The following MROH9 variants were observed in gnomAD, a reference collection of about 807,000 sequenced individuals.
MROH9 encodes maestro heat like repeat family member 9, also known as maestro heat-like repeat-containing protein family member 9.
MROH9 carries 92 observed loss-of-function variants against 98.2 expected under a neutral mutation model. That is an observed-to-expected ratio of 0.94 (90% CI 0.79 to 1.11). The LOEUF is 1.11. MROH9 is among the 50% of genes most tolerant of loss of function. The pLI, the probability that MROH9 is intolerant of heterozygous loss-of-function variation, is 0.00. For missense variants in MROH9, 1,057 were observed against 1,014.8 expected, an observed-to-expected ratio of 1.04 and a Z score of -0.57; for synonymous variants, 397 against 368.9, an observed-to-expected ratio of 1.08 and a Z score of -0.87.
intron 1 of MROH9, among the ~76,000 whole-genome samples, chr1:170,940,758 C>A (rs1256705050): frequency 6.6e-6 from 1 of 152,194 alleles, no homozygotes; most frequent in Non-Finnish European, 1.5e-5. Context: ...GTACAAATGA[C>A]AACCCCTGAT....
rs567216767 is a variant in MROH9, at chr1:170,939,797, A to C, written c.-38+4210A>C. ...GTGGTCAAGCATTCAGTCTCTACTA[A>C]GGCCTAGTAGCATGTCAAGGGCTGT... On this transcript the variant is annotated intron_variant, in intron 1 of 21. Transcript: ENST00000367759. 2.0e-5 allele frequency among the ~76,000 whole-genome samples: 3 copies of C among 152,160 alleles called. No individual in the cohort carries two copies. The South Asian group carries it at 6.2e-4, about 32-fold the overall frequency.
At chr1:171,049,005 G>A (rs537203555) in intron 20 of MROH9, among the ~76,000 whole-genome samples, 61 of 152,228 alleles carry the variant, frequency 4.0e-4, no homozygotes, top group African/African-American at 1.4e-3. Flanking sequence ...TACTGTGGCT[G>A]AGCTGGTATC....
intron 15 of MROH9, chr1:170,998,568 T>A (rs1557891927): frequency 7.3e-7 from 1 of 1,378,086 alleles, no homozygotes; most frequent in Non-Finnish European, 9.4e-7. Context: ...TGCATGATTG[T>A]TAAAGTATAT....
intron 20 of MROH9, among the ~76,000 whole-genome samples, chr1:171,025,789 C>A (rs1652689713): frequency 6.6e-6 from 1 of 152,028 alleles, no homozygotes; most frequent in African/African-American, 2.4e-5. Context: ...TCTGTAACCA[C>A]AAACTACAAT....
rs184485111 is a variant in MROH9 at position 170,956,743 on chromosome 1, A to G, written c.73-1718A>G. On this transcript the variant is annotated intron_variant, in intron 3 of 21. Transcript: ENST00000367759. ...TTTGCTGAATTCTTTTATCAGCTCTAGGAGCTTTCTGGAGGAGTCTTTAGG... is the reference window on the plus strand; with the variant it reads ...TTTGCTGAATTCTTTTATCAGCTCTGGGAGCTTTCTGGAGGAGTCTTTAGG... 2.1e-3 allele frequency among the ~76,000 whole-genome samples: 322 copies of G among 151,282 alleles called. 2 individuals carry two copies. Among genetic ancestry groups the G allele is most frequent in the Middle Eastern group, 6.8e-3 (2 of 294 alleles).
rs144028530 is a variant in MROH9, at chr1:171,064,271, T to C, written c.2517T>C (p.Tyr839=). The change falls in exon 22 of 22, where the codon TAT becomes TAC. Residue 839 remains tyrosine, a synonymous_variant. Coordinates refer to ENST00000367759, the MANE Select transcript of MROH9 (RefSeq NM_001163629.2). ...YIKKLKPLYN[Y]NSPNGQIDSP... is the part of the protein sequence containing the mutation. ...AAAAATTGAAGCCTCTTTACAATTA[T>C]AACTCACCCAATGGCCAGATAGACA... The C allele has an allele frequency of 2.0e-4, 308 of 1,551,376 alleles. 2 individuals carry two copies. The Middle Eastern group carries it at 7.7e-3, about 39-fold the overall frequency.
chr1:170,960,070 A>G (rs996098260), intron 5 of MROH9, among the ~76,000 whole-genome samples: 1 of 152,214 alleles, frequency 6.6e-6, no homozygotes, highest in Non-Finnish European at 1.5e-5. Context: ...TTGTGGAGAG[A>G]ATGTACAACA....
intron 20 of MROH9, among the ~76,000 whole-genome samples, chr1:171,035,805 T>C (rs1653081728): frequency 6.6e-6 from 1 of 152,178 alleles, no homozygotes; most frequent in Admixed American, 6.5e-5. Flanking sequence ...CAGAACTCTG[T>C]TATATGCTGT....
intron 15 of MROH9, among the ~76,000 whole-genome samples, chr1:171,011,859 G>A (rs541605489): frequency 6.6e-6 from 1 of 151,732 alleles, no homozygotes; most frequent in South Asian, 2.1e-4. Context: ...TGTGCAAAAG[G>A]CAATAGGCTT....
rs768716258 is a variant in MROH9, at chr1:170,986,650, A to G, written c.819A>G (p.Ala273=). ...MKLSSPDDKI[A]SDAASILIFT... is the part of the protein sequence containing the mutation. The stretch of plus-strand genomic sequence containing the variant: ...TCTCTTCACCTGATGATAAAATCGC[A>G]TCTGATGCAGCATCCATACTGATAT... Residue 273 remains alanine (A), a synonymous_variant, in exon 10 of 22, where the codon GCA becomes GCG. Transcript: ENST00000367759. The G allele has an allele frequency of 4.3e-6, 7 of 1,613,950 alleles. No homozygotes were observed. The highest frequency in any genetic ancestry group is 4.2e-6 in the Non-Finnish European group (5 of 1,179,930).
chr1:171,013,169 T>C (rs778207795), intron 15 of MROH9, among the ~76,000 whole-genome samples: 37 of 152,204 alleles, frequency 2.4e-4, no homozygotes, highest in Non-Finnish European at 1.5e-5. Flanking sequence ...TCATTCTAAA[T>C]TGAATCTACA....
chr1:170,935,817 C>A (rs1376680926), intron 1 of MROH9, among the ~76,000 whole-genome samples: 2 of 151,440 alleles, frequency 1.3e-5, no homozygotes, highest in African/African-American at 4.9e-5. Context: ...CTTGGTGAAA[C>A]CCCATCTCTA....
intron 15 of MROH9, among the ~76,000 whole-genome samples, chr1:171,003,940 G>A (rs1276778586): frequency 2.0e-5 from 3 of 152,130 alleles, no homozygotes; most frequent in Non-Finnish European, 4.4e-5. Context: ...GGATGGGGGT[G>A]AGAGTCCCAA....
chr1:170,998,037 A>G, intron 14 of MROH9, 117 bp from the exon 15 acceptor site: 1 of 753,894 alleles, frequency 1.3e-6, no homozygotes, highest in Non-Finnish European at 2.1e-6. Context: ...TTTAGGGAAT[A>G]TTAAAGAATA....
rs756355540 is a variant in MROH9, at chr1:170,961,928, T to C, written c.327T>C (p.Ile109=). 1.9e-6 allele frequency: 3 copies of C among 1,539,308 alleles called. No homozygotes were observed. Among genetic ancestry groups the C allele is most frequent in the Non-Finnish European group, 2.6e-6 (3 of 1,136,586 alleles). The change falls in exon 6 of 22, where the codon ATT becomes ATC. Residue 109 remains isoleucine (I), a synonymous_variant. Transcript: ENST00000367759. ...YHNILNIYEN[I]LTSLVSKDLY... is the part of the protein sequence containing the mutation. ...ATATTTTAAATATATATGAGAACAT[T>C]CTTACGAGCTTGGTGTCTAAAGACC...
At chr1:171,044,576 T>C (rs1037792401) in intron 20 of MROH9, among the ~76,000 whole-genome samples, 1 of 152,204 alleles carries the variant, frequency 6.6e-6, no homozygotes, top group African/African-American at 2.4e-5. Context: ...AATTCAACAG[T>C]AAAGCCATCA....
chr1:171,004,541 G>A (rs559933051), intron 15 of MROH9, among the ~76,000 whole-genome samples: 2 of 152,334 alleles, frequency 1.3e-5, no homozygotes, highest in South Asian at 2.1e-4. Flanking sequence ...GTCAGGTTGT[G>A]TGTTTAGGAA....
Position 171,016,267 on chromosome 1 carries a change from C to A in MROH9, c.1839C>A (p.Asn613Lys), listed in dbSNP as rs16863939. 3.4e-5 allele frequency: 53 copies of A among 1,539,060 alleles called. No homozygotes were observed. The Middle Eastern group carries it at 6.7e-4, about 19-fold the overall frequency. Residue 613 changes from asparagine to lysine, a missense_variant, in exon 17 of 22, where the codon AAC becomes AAA. Asn to Lys is a moderately conservative substitution (Grantham distance 94). Coordinates refer to ENST00000367759, the MANE Select transcript of MROH9 (RefSeq NM_001163629.2). ...TGCTCACCCTTAGAAGGCTTTTAAA[C>A]GAACTGGACAAAGTGACCTACTCTT... The part of the protein sequence containing the change: ...QALLTLRRLL[N>K]ELDKVTYSLG...
chr1:171,049,509 C>A (rs1220784856), intron 20 of MROH9, among the ~76,000 whole-genome samples: 2 of 152,022 alleles, frequency 1.3e-5, no homozygotes, highest in East Asian at 3.9e-4. Context: ...TTTAAACCAA[C>A]CCTAGTCAGA....
Sources: allele counts gnomAD v4.1 joint callset (sites outside exome capture counted in the v4.1 genomes callset), GRCh38; gene constraint gnomAD v4.1.1; transcripts MANE v1.5; gene names NCBI Gene and HGNC (gene_info 2026-07-23, HGNC 2026-07-21).